CFAP299: variants seen among roughly 807,000 people sequenced by gnomAD.
The protein encoded by CFAP299 is cilia- and flagella-associated protein 299.
In CFAP299, 21 loss-of-function variants were observed where a neutral mutation model predicts 27.0. The ratio of observed to expected loss-of-function variants is 0.78; its 90% confidence interval spans 0.55 to 1.12. The LOEUF (loss-of-function observed/expected upper bound fraction) is 1.12, where lower values mean the gene tolerates loss of function less well. CFAP299 is among the 50% of genes most tolerant of loss of function. The pLI is 0.00. For missense variants in CFAP299, 310 were observed against 276.6 expected (o/e 1.12, Z -0.86); for synonymous variants, 104 against 98.1 (o/e 1.06, Z -0.36).
intron 4 of CFAP299, chr4:80,870,992 C>A: frequency 1.5e-6 from 1 of 647,406 alleles, no homozygotes; most frequent in Non-Finnish European, 1.9e-6. Flanking sequence ...CTGCTACTTC[C>A]ACCTCACGGG....
chr4:80,888,625 A>G (rs1734088790), intron 4 of CFAP299, among the ~76,000 whole-genome samples: 1 of 152,136 alleles, frequency 6.6e-6, no homozygotes, highest in African/African-American at 2.4e-5. Context: ...AATGTGCCTA[A>G]TAGATATTTA....
chr4:80,637,945 AATATCCTGG>A (rs1739531686), intron 3 of CFAP299, among the ~76,000 whole-genome samples: 2 of 152,196 alleles, frequency 1.3e-5, no homozygotes, highest in African/African-American at 4.8e-5. Flanking sequence ...TTTAATTTAA[AATATCCTGG>A]TTGATTTCTA....
At chr4:80,559,551 ATATCACT>A (rs1189705796) in intron 2 of CFAP299, among the ~76,000 whole-genome samples, 1 of 152,176 alleles carries the variant, frequency 6.6e-6, no homozygotes, top group Non-Finnish European at 1.5e-5. Flanking sequence ...CTTTAACTTT[ATATCACT>A]AAAAGAGGCA....
intron 3 of CFAP299, among the ~76,000 whole-genome samples, chr4:80,795,746 A>G (rs918897461): frequency 6.6e-6 from 1 of 152,164 alleles, no homozygotes; most frequent in African/African-American, 2.4e-5. Flanking sequence ...CACCTAGTTC[A>G]TGATAGACAG....
intron 3 of CFAP299, among the ~76,000 whole-genome samples, chr4:80,859,279 C>T (rs906624658): frequency 5.3e-5 from 8 of 152,048 alleles, no homozygotes; most frequent in Non-Finnish European, 1.2e-4. Flanking sequence ...CTTCCTCCAT[C>T]CTTTTATTTT....
At chr4:80,388,000 G>A in intron 2 of CFAP299, 1 of 719,174 alleles carries the variant, frequency 1.4e-6, no homozygotes, top group Admixed American at 2.3e-5. Flanking sequence ...CCACACACTG[G>A]TTTGGCACCT....
chr4:80,418,342 C>A (rs926065362), intron 2 of CFAP299, among the ~76,000 whole-genome samples: 1 of 151,646 alleles, frequency 6.6e-6, no homozygotes, highest in African/African-American at 2.4e-5. Context: ...TAAAGAATTT[C>A]TTTTTTTAAA....
chr4:80,479,835 A>G (rs1281662744), intron 2 of CFAP299, among the ~76,000 whole-genome samples: 4 of 152,108 alleles, frequency 2.6e-5, no homozygotes, highest in African/African-American at 9.6e-5. Flanking sequence ...AAAAATCTTT[A>G]TATTGGTCCT....
At chr4:80,638,916 G>A (rs879291218) in intron 3 of CFAP299, among the ~76,000 whole-genome samples, 6 of 152,154 alleles carry the variant, frequency 3.9e-5, no homozygotes, top group South Asian at 4.1e-4. Flanking sequence ...TGAGATGAGC[G>A]AGTGTGGTAG....
In CFAP299 at chr4:80,695,309, G is replaced by C. The variant is rs528914693; in HGVS notation, c.333+112126G>C. On this transcript the variant is annotated intron_variant, in intron 3 of 5. Transcript: ENST00000358105. ...AAGTAAAGCCTAGTGATTATTTATGGACTGCTAAAGCCTTATTGCTTAATT... is the reference window on the plus strand; with the variant it reads ...AAGTAAAGCCTAGTGATTATTTATGCACTGCTAAAGCCTTATTGCTTAATT... Among the ~76,000 whole-genome samples the C allele has an allele frequency of 5.3e-5, 8 of 152,180 alleles. 1 individual carries two copies. The South Asian group carries it at 1.7e-3, about 32-fold the overall frequency.
chr4:80,505,627 C>T (rs554557277), intron 2 of CFAP299, among the ~76,000 whole-genome samples: 2 of 152,200 alleles, frequency 1.3e-5, no homozygotes, highest in Admixed American at 6.5e-5. Flanking sequence ...AGGTACCCAC[C>T]AAAGAACTAG....
chr4:80,535,409 G>T, intron 2 of CFAP299, among the ~76,000 whole-genome samples: 1 of 120,752 alleles, frequency 8.3e-6, no homozygotes, highest in African/African-American at 4.2e-5. Context: ...GCAGGAGAAT[G>T]GCGTGAACCC....
At chr4:80,645,270 C>G (rs1739943543) in intron 3 of CFAP299, among the ~76,000 whole-genome samples, 1 of 152,068 alleles carries the variant, frequency 6.6e-6, no homozygotes, top group African/African-American at 2.4e-5. Context: ...GTATTTAAGT[C>G]AAAACTTGCA....
chr4:80,489,302 C>T (rs776015756), intron 2 of CFAP299, among the ~76,000 whole-genome samples: 2 of 152,140 alleles, frequency 1.3e-5, no homozygotes, highest in Non-Finnish European at 2.9e-5. Context: ...CAGCTTCTCA[C>T]GCATTACCTG....
intron 2 of CFAP299, among the ~76,000 whole-genome samples, chr4:80,374,586 A>C (rs1019201115): frequency 6.6e-6 from 1 of 152,086 alleles, no homozygotes; most frequent in Admixed American, 6.5e-5. Context: ...ATTTGTCCCA[A>C]TCCCATGTGT....
chr4:80,800,706 G>A (rs1728524288), intron 3 of CFAP299, among the ~76,000 whole-genome samples: 1 of 109,002 alleles, frequency 9.2e-6, no homozygotes, highest in Non-Finnish European at 1.7e-5. Flanking sequence ...TTATATATGA[G>A]TTTTTATGTA....
intron 3 of CFAP299, among the ~76,000 whole-genome samples, chr4:80,810,989 T>G (rs557215174): frequency 7.7e-4 from 117 of 152,202 alleles, no homozygotes; most frequent in African/African-American, 2.6e-3. Context: ...TATGTCTGTC[T>G]CCACAGCAAG....
intron 3 of CFAP299, among the ~76,000 whole-genome samples, chr4:80,826,310 A>C (rs551329523): frequency 6.6e-6 from 1 of 151,768 alleles, no homozygotes; most frequent in South Asian, 2.1e-4. Context: ...ATGAGGGACA[A>C]AAAATCTTAA....
At chr4:80,338,594 T>C (rs2109965052) in intron 1 of CFAP299, among the ~76,000 whole-genome samples, 1 of 152,334 alleles carries the variant, frequency 6.6e-6, no homozygotes, top group Middle Eastern at 3.4e-3. Flanking sequence ...TGTTATGAGT[T>C]ATCTATACTT....
Sources: allele counts gnomAD v4.1 joint callset (sites outside exome capture counted in the v4.1 genomes callset), GRCh38; gene constraint gnomAD v4.1.1; transcripts MANE v1.5; gene names NCBI Gene and HGNC (gene_info 2026-07-23, HGNC 2026-07-21).